Variants in SMAD2 observed in about 807,000 individuals in gnomAD.
SMAD2 encodes the protein SMAD family member 2, also known as MAD homolog 2.
In SMAD2, 8 loss-of-function variants were observed where a neutral mutation model predicts 64.4. The observed-to-expected ratio is 0.12, with a 90% CI of 0.07 to 0.22. The LOEUF is 0.22. SMAD2 is among the 10% of genes least tolerant of loss of function. SMAD2 has a pLI of 1.00. For synonymous variants in SMAD2, 203 were observed against 195.8 expected (o/e 1.04, Z -0.31); for missense variants, 289 against 561.2 (o/e 0.51, Z 4.90).
At chr18:47,879,257 G>C (rs1315450487) in intron 2 of SMAD2, among the ~76,000 whole-genome samples, 1 of 152,122 alleles carries the variant, frequency 6.6e-6, no homozygotes, top group Non-Finnish European at 1.5e-5. Flanking sequence ...TACCATTTGA[G>C]TTTTCTCAGA....
At position 47,897,473 on chromosome 18, in the gene SMAD2, T is replaced by C. The variant is rs1188416411; in HGVS notation, c.-53-664A>G. Among the ~76,000 whole-genome samples, 3 of 152,192 alleles carry C rather than the reference T, an allele frequency of 2.0e-5. No homozygotes were observed. The East Asian group carries it at 5.8e-4, about 29-fold the overall frequency. Reference sequence around the variant, plus strand: ...CTTCCCAATTTAAGGAATTGTACCTTGTCTTTTCTCTTCCATAGGAATCAT... The same window carrying C: ...CTTCCCAATTTAAGGAATTGTACCTCGTCTTTTCTCTTCCATAGGAATCAT... On this transcript the variant is annotated intron_variant, in intron 1 of 10. Transcript: ENST00000262160.
chr18:47,870,309 T>G (rs2031855527), intron 3 of SMAD2, among the ~76,000 whole-genome samples, 166 bp downstream of exon 3: 1 of 152,182 alleles, frequency 6.6e-6, no homozygotes, highest in Non-Finnish European at 1.5e-5. Flanking sequence ...CTGAAACATT[T>G]AATATATTTT....
At chr18:47,908,340 C>T (rs1470429762) in intron 1 of SMAD2, among the ~76,000 whole-genome samples, 1 of 152,068 alleles carries the variant, frequency 6.6e-6, no homozygotes, top group Non-Finnish European at 1.5e-5. Flanking sequence ...ATAATTGACC[C>T]GTGGACAACA....
intron 1 of SMAD2, among the ~76,000 whole-genome samples, chr18:47,925,133 C>G (rs946205159): frequency 6.6e-6 from 1 of 152,194 alleles, no homozygotes; most frequent in Non-Finnish European, 1.5e-5. Flanking sequence ...TTAAGGTAGA[C>G]ACGTGTACTA....
chr18:47,921,387 T>C (rs1209682098), intron 1 of SMAD2, among the ~76,000 whole-genome samples: 2 of 152,198 alleles, frequency 1.3e-5, no homozygotes, highest in African/African-American at 2.4e-5. Flanking sequence ...AAAAGGCAAC[T>C]GTATGGCAAA....
At chr18:47,903,024 G>A (rs1191281823) in intron 1 of SMAD2, among the ~76,000 whole-genome samples, 6 of 152,170 alleles carry the variant, frequency 3.9e-5, no homozygotes, top group Non-Finnish European at 4.4e-5. Context: ...AAAGCTTGGG[G>A]AACAGGACTG....
intron 6 of SMAD2, among the ~76,000 whole-genome samples, chr18:47,862,842 T>C (rs576976763): frequency 6.6e-6 from 1 of 152,350 alleles, no homozygotes; most frequent in African/African-American, 2.4e-5. Context: ...TGAACAAATA[T>C]GTTCATAAAA....
chr18:47,866,803 T>C (rs907355934), intron 5 of SMAD2: 4 of 152,124 alleles, frequency 2.6e-5, no homozygotes, highest in African/African-American at 4.8e-5. Context: ...GAAAAGCAAA[T>C]GGGTATAATC....
At chr18:47,866,311 C>T (rs545994277) in intron 5 of SMAD2, among the ~76,000 whole-genome samples, 31 of 86,066 alleles carry the variant, frequency 3.6e-4, no homozygotes, top group South Asian at 4.6e-4. Context: ...AGCAAAACAC[C>T]GTCTCAAAAA....
At chr18:47,900,665 T>G (rs2033648204) in intron 1 of SMAD2, among the ~76,000 whole-genome samples, 1 of 152,184 alleles carries the variant, frequency 6.6e-6, no homozygotes, top group Admixed American at 6.5e-5. Flanking sequence ...TCTTTAGGTT[T>G]GATTTCCTAT....
At chr18:47,857,367 AGC>A (rs1222169358) in intron 6 of SMAD2, among the ~76,000 whole-genome samples, 20 of 152,330 alleles carry the variant, frequency 1.3e-4, no homozygotes, top group African/African-American at 4.8e-4. Context: ...CCAGTGCGAT[AGC>A]ATCTTAGGTT....
Position 47,822,655 on chromosome 18 carries a change from C to T in SMAD2, c.*19172G>A, listed in dbSNP as rs1912612556. On this transcript the variant is annotated 3_prime_UTR_variant, in exon 11 of 11. Transcript: ENST00000262160. ...TGCTTTTCCTTTCTTCTTGATCCCT[C>T]CAATTTGGAAACTATTTTGAGTATT... The T allele has an allele frequency of 6.6e-6, 1 of 152,344 alleles. No homozygotes were observed. 9.4% of individuals were successfully genotyped at this position (152,344 alleles called of 1,614,324 possible).
chr18:47,861,584 T>C (rs2031192462), intron 6 of SMAD2, among the ~76,000 whole-genome samples: 1 of 152,218 alleles, frequency 6.6e-6, no homozygotes, highest in Non-Finnish European at 1.5e-5. Context: ...GCTATACATC[T>C]ACATCAAAAA....
Position 47,826,943 on chromosome 18 carries a change from AG to A in SMAD2, c.*14883del, listed in dbSNP as rs1054479624. ...CCCTAAAAACTAACTTCCTCATTTT[AG>A]GGAACTGGAGGAAATGAAGAACTTT... is the stretch of plus-strand genomic sequence containing the variant. On this transcript the variant is annotated 3_prime_UTR_variant, in exon 11 of 11. Transcript: ENST00000262160. 14 of 152,338 alleles carry A rather than the reference AG, an allele frequency of 9.2e-5. No homozygotes were observed. Among genetic ancestry groups the A allele is most frequent in the African/African-American group, 3.4e-4 (14 of 41,580 alleles). The allele number at this position is 152,338 out of a possible 1,614,324, so 9.4% of individuals were successfully genotyped here.
intron 6 of SMAD2, 90 bp downstream of exon 6, chr18:47,864,968 TA>T: frequency 1.3e-6 from 1 of 794,066 alleles, no homozygotes; most frequent in Non-Finnish European, 2.2e-6. Flanking sequence ...TCAACTTCTC[TA>T]AATTTAAGAG....
intron 2 of SMAD2, among the ~76,000 whole-genome samples, chr18:47,872,838 T>C (rs1171141248): frequency 6.7e-6 from 1 of 149,804 alleles, no homozygotes; most frequent in Non-Finnish European, 1.5e-5. Flanking sequence ...CTCTGTCTCC[T>C]GGTGCCAAAA....
At chr18:47,860,390 G>A (rs1226104440) in intron 6 of SMAD2, among the ~76,000 whole-genome samples, 1 of 151,716 alleles carries the variant, frequency 6.6e-6, no homozygotes, top group Non-Finnish European at 1.5e-5. Context: ...TCCCACCTTA[G>A]CCTCTTAAGT....
intron 6 of SMAD2, among the ~76,000 whole-genome samples, chr18:47,854,371 A>G (rs1046778975): frequency 1.7e-4 from 26 of 152,362 alleles, no homozygotes; most frequent in African/African-American, 5.8e-4. Flanking sequence ...TTAAACTTTT[A>G]TAAGTGCCAA....
intron 1 of SMAD2, among the ~76,000 whole-genome samples, chr18:47,899,020 T>C (rs1180090301): frequency 2.0e-5 from 3 of 152,056 alleles, no homozygotes; most frequent in Non-Finnish European, 4.4e-5. Context: ...TAGCAAGGTA[T>C]TGGCAGTGGG....
Sources: gnomAD v4.1 joint callset for allele counts (sites outside exome capture counted in the v4.1 genomes callset) on GRCh38, gnomAD v4.1.1 for gene constraint, MANE v1.5 for transcripts, NCBI Gene and HGNC (gene_info 2026-07-23, HGNC 2026-07-21) for gene names.